The following MSH4 variants were observed in gnomAD, a reference collection of about 807,000 sequenced individuals.
The protein encoded by MSH4 is mutS homolog 4.
Under a neutral mutation model 113.7 loss-of-function variants are expected in MSH4, and 106 were observed. The ratio of observed to expected loss-of-function variants is 0.93; its 90% CI spans 0.80 to 1.10. The LOEUF is 1.10. Among genes scored for constraint, MSH4 ranks in the 50% least tolerant of loss-of-function variants. The pLI is 0.00. For synonymous variants in MSH4, 368 were observed against 380.2 expected (o/e 0.97, Z 0.37); for missense variants, 1,061 against 1,093.7 (o/e 0.97, Z 0.42).
At chr1:75,812,390 A>C (rs904852209) in intron 4 of MSH4, among the ~76,000 whole-genome samples, 1 of 152,054 alleles carries the variant, frequency 6.6e-6, no homozygotes, top group African/African-American at 2.4e-5. Flanking sequence ...GGGAAGTGAA[A>C]AATTATTATA....
chr1:75,806,956 C>CT (rs767067820), intron 2 of MSH4, 25 bp from the exon 3 acceptor site: 4 of 1,530,182 alleles, frequency 2.6e-6, no homozygotes, highest in Non-Finnish European at 2.6e-6. Context: ...ATGTTTATAT[C>CT]TTTTCTTTAT....
rs1416573653 is a variant in MSH4, at chr1:75,796,960, T to C, written c.-26T>C. ...AGGGGTCGCTCAGAAACCTCATACT[T>C]CTCGGGTCAGGGAAGGTTTGGGAGG... On this transcript the variant is annotated 5_prime_UTR_variant, in exon 1 of 20. Transcript: ENST00000263187. The C allele has an allele frequency of 4.3e-6, 7 of 1,612,808 alleles. No homozygotes were observed. Among genetic ancestry groups the C allele is most frequent in the Admixed American group, 1.7e-5 (1 of 59,974 alleles).
rs1198884048 is a variant in MSH4 at position 75,912,924 on chromosome 1, G to A, written c.*37G>A. ...ATGTAATAATATATCTTAATTCAAG[G>A]AACCTAGAATTTATTTTTCTCCTTA... On this transcript the variant is annotated 3_prime_UTR_variant, in exon 20 of 20. Transcript: ENST00000263187. 1.6e-6 allele frequency: 2 copies of A among 1,281,000 alleles called. No homozygotes were observed. The highest frequency in any genetic ancestry group is 2.1e-6 in the Non-Finnish European group (2 of 970,044). The allele number at this position is 1,281,000 out of a possible 1,614,324, so 79.4% of individuals were successfully genotyped here. A position where few individuals can be genotyped will look rare whatever the true frequency, so the allele number is the denominator to read the frequency against.
chr1:75,850,576 G>A (rs1034659819), intron 8 of MSH4, among the ~76,000 whole-genome samples: 1 of 152,018 alleles, frequency 6.6e-6, no homozygotes, highest in Non-Finnish European at 1.5e-5. Flanking sequence ...CCAAAATAGA[G>A]TTAATCTTGG....
intron 8 of MSH4, among the ~76,000 whole-genome samples, chr1:75,865,359 C>T (rs368750717): frequency 9.7e-4 from 148 of 152,206 alleles, no homozygotes; most frequent in African/African-American, 3.4e-3. Flanking sequence ...TCTTTACCTA[C>T]TCTAATATCT....
At position 75,883,716 on chromosome 1, in the gene MSH4, T is replaced by C. The variant is rs1410848834; in HGVS notation, c.2002T>C (p.Tyr668His). The C allele has an allele frequency of 1.2e-6, 2 of 1,613,250 alleles. No individual in the cohort carries two copies. Among genetic ancestry groups the C allele is most frequent in the African/African-American group, 2.7e-5 (2 of 74,866 alleles). ...GGAAAAACCTATTGCCAACAATACC[T>C]ATGTTACAGAAGGGAGTAATTTTTT... is the stretch of plus-strand genomic sequence containing the variant. ...SAEKPIANNT[Y>H]VTEGSNFLII... The change falls in exon 15 of 20, where the codon TAT (tyrosine) becomes CAT (histidine). Residue 668 changes from tyrosine to histidine, a missense_variant. Transcript: ENST00000263187.
At chr1:75,819,868 A>G (rs1650371155) in intron 6 of MSH4, among the ~76,000 whole-genome samples, 1 of 151,612 alleles carries the variant, frequency 6.6e-6, no homozygotes, top group African/African-American at 2.4e-5. Flanking sequence ...CTGCCACTAT[A>G]CCTGGCTAAT....
chr1:75,900,865 T>C (rs1652492078), intron 19 of MSH4, among the ~76,000 whole-genome samples: 1 of 152,198 alleles, frequency 6.6e-6, no homozygotes, highest in Admixed American at 6.5e-5. Flanking sequence ...GAGTTCATCT[T>C]ACCACATTTC....
chr1:75,871,990 C>T (rs1376618916), intron 9 of MSH4, among the ~76,000 whole-genome samples: 1 of 152,084 alleles, frequency 6.6e-6, no homozygotes, highest in Non-Finnish European at 1.5e-5. Context: ...TTAGATGCTC[C>T]AGATTCTGAA....
At chr1:75,825,288 G>T (rs1284576696) in intron 7 of MSH4, among the ~76,000 whole-genome samples, 1 of 152,080 alleles carries the variant, frequency 6.6e-6, no homozygotes, top group Non-Finnish European at 1.5e-5. Context: ...GTATAGGAAT[G>T]CTTGTGATTT....
intron 18 of MSH4, among the ~76,000 whole-genome samples, chr1:75,899,087 A>G (rs1652449220): frequency 6.6e-6 from 1 of 152,184 alleles, no homozygotes; most frequent in South Asian, 2.1e-4. Flanking sequence ...AGAAAGCCAT[A>G]TGGCATTTAT....
chr1:75,892,798 A>G (rs1652286321), intron 17 of MSH4, among the ~76,000 whole-genome samples: 1 of 152,106 alleles, frequency 6.6e-6, no homozygotes. Flanking sequence ...TCCCTAGATC[A>G]CAGCAGGGGG....
At chr1:75,800,079 A>C (rs1221239724) in intron 1 of MSH4, among the ~76,000 whole-genome samples, 1 of 152,186 alleles carries the variant, frequency 6.6e-6, no homozygotes, top group African/African-American at 2.4e-5. Context: ...AGACAAGTGA[A>C]TGAGTTTCAA....
chr1:75,872,678 A>C (rs980267088), intron 9 of MSH4, among the ~76,000 whole-genome samples: 1 of 152,270 alleles, frequency 6.6e-6, no homozygotes, highest in Non-Finnish European at 1.5e-5. Flanking sequence ...TATACTGATC[A>C]TGAAACAAGT....
At chr1:75,851,105 T>A (rs1570966847) in intron 8 of MSH4, among the ~76,000 whole-genome samples, 1 of 152,172 alleles carries the variant, frequency 6.6e-6, no homozygotes, top group South Asian at 2.1e-4. Context: ...AGGTGACATA[T>A]AGTTAAGTCT....
intron 8 of MSH4, among the ~76,000 whole-genome samples, chr1:75,865,073 T>C (rs1330875467): frequency 2.0e-5 from 3 of 152,098 alleles, no homozygotes; most frequent in Non-Finnish European, 4.4e-5. Context: ...ATCTGAGAGA[T>C]GGAGACAAAT....
At chr1:75,825,164 G>A (rs1302074943) in intron 7 of MSH4, among the ~76,000 whole-genome samples, 1 of 151,938 alleles carries the variant, frequency 6.6e-6, no homozygotes, top group Non-Finnish European at 1.5e-5. Context: ...AGTTCTCATT[G>A]AAGAGGTCCT....
chr1:75,885,164 A>G (rs899034417), intron 15 of MSH4, among the ~76,000 whole-genome samples: 5 of 145,428 alleles, frequency 3.4e-5, no homozygotes, highest in Non-Finnish European at 1.5e-5. Context: ...ATACAAACAT[A>G]TACCACTTAA....
intron 7 of MSH4, among the ~76,000 whole-genome samples, chr1:75,844,030 C>G (rs1258222886): frequency 6.6e-6 from 1 of 152,038 alleles, no homozygotes; most frequent in Non-Finnish European, 1.5e-5. Flanking sequence ...TGGCTGGTCT[C>G]GAACTCCTGA....
Sources: allele counts gnomAD v4.1 joint callset (sites outside exome capture counted in the v4.1 genomes callset), GRCh38; gene constraint gnomAD v4.1.1; transcripts MANE v1.5; gene names NCBI Gene and HGNC (gene_info 2026-07-23, HGNC 2026-07-21).